Variants in SYNE2 observed in about 807,000 individuals in gnomAD.
The protein encoded by SYNE2 is spectrin repeat containing nuclear envelope protein 2.
In SYNE2, 431 loss-of-function variants were observed where a neutral mutation model predicts 856.3. The ratio of observed to expected loss-of-function variants is 0.50; its 90% CI spans 0.47 to 0.55. The LOEUF (loss-of-function observed/expected upper bound fraction) is 0.55, where lower values mean the gene tolerates loss of function less well. Among genes scored for constraint, SYNE2 ranks in the 20% least tolerant of loss-of-function variants. The pLI is 0.00. For missense variants in SYNE2, 8,129 were observed against 8,023.2 expected (o/e 1.01, Z -0.50); for synonymous variants, 2,923 against 2,872.3 (o/e 1.02, Z -0.56).
intron 94 of SYNE2, among the ~76,000 whole-genome samples, chr14:64,170,703 C>T (rs2098406550): frequency 6.6e-6 from 1 of 152,030 alleles, no homozygotes; most frequent in Non-Finnish European, 1.5e-5. Flanking sequence ...TGAGAGGAGG[C>T]ATGGAGTGGA....
intron 99 of SYNE2, among the ~76,000 whole-genome samples, chr14:64,198,724 G>T (rs546532449): frequency 3.9e-5 from 6 of 152,208 alleles, no homozygotes; most frequent in African/African-American, 1.4e-4. Context: ...CCAGGGCTGA[G>T]GAGCACGAGT....
At chr14:64,069,589 G>A (rs1294083438) in intron 51 of SYNE2, among the ~76,000 whole-genome samples, 1 of 152,198 alleles carries the variant, frequency 6.6e-6, no homozygotes, top group Non-Finnish European at 1.5e-5. Flanking sequence ...CATCTGAGCA[G>A]TAATCCCAAG....
In SYNE2 at chr14:63,788,167, G is replaced by A. The variant is rs546219617; in HGVS notation, c.-305+26181G>A. 2.0e-5 allele frequency among the ~76,000 whole-genome samples: 3 copies of A among 152,316 alleles called. No homozygotes were observed. In the South Asian group the frequency reaches 6.2e-4, roughly 32 times the overall value. ...ATCCCCAATCCCTGCTTTGATATTGGAGCCATGCTGGGAGAGGAGAGAGGC... is the reference window on the plus strand; with the variant it reads ...ATCCCCAATCCCTGCTTTGATATTGAAGCCATGCTGGGAGAGGAGAGAGGC... On this transcript the variant is annotated intron_variant, in intron 1 of 23. Coordinates refer to the SYNE2 transcript ENST00000674003.
intron 1 of SYNE2, among the ~76,000 whole-genome samples, chr14:63,789,785 A>G (rs1887665965): frequency 6.6e-6 from 1 of 151,734 alleles, no homozygotes; most frequent in African/African-American, 2.4e-5. Flanking sequence ...AAAAAAAAAA[A>G]AAGAAGAAGA....
chr14:64,065,167 T>C (rs1343454883), intron 50 of SYNE2, among the ~76,000 whole-genome samples: 2 of 152,128 alleles, frequency 1.3e-5, no homozygotes, highest in African/African-American at 4.8e-5. Flanking sequence ...CTGGCAAATA[T>C]TTGCTTTTGA....
chr14:64,047,012 C>T (rs186557777), intron 45 of SYNE2, among the ~76,000 whole-genome samples: 1 of 152,340 alleles, frequency 6.6e-6, no homozygotes, highest in East Asian at 1.9e-4. Flanking sequence ...GAGCAGTTGC[C>T]CTCCACCAGC....
At chr14:63,766,210 T>C (rs1886679916) in intron 1 of SYNE2, among the ~76,000 whole-genome samples, 1 of 151,708 alleles carries the variant, frequency 6.6e-6, no homozygotes, top group South Asian at 2.1e-4. Context: ...TCCCGAGTAG[T>C]TGGGATTACA....
chr14:63,927,764 C>T (rs553521214), intron 2 of SYNE2, among the ~76,000 whole-genome samples: 107 of 151,952 alleles, frequency 7.0e-4, no homozygotes, highest in East Asian at 2.5e-3. Flanking sequence ...TGGGGTCGCG[C>T]GCCTGCAGTC....
intron 99 of SYNE2, 140 bp downstream of exon 99, chr14:64,190,377 G>T: frequency 9.0e-7 from 1 of 1,107,486 alleles, no homozygotes; most frequent in Non-Finnish European, 1.3e-6. Context: ...ATAAAAATGA[G>T]TGGAAATTCT....
At chr14:63,961,740 A>C (rs1053009775) in intron 9 of SYNE2, 115 bp downstream of exon 9, 13 of 754,102 alleles carry the variant, frequency 1.7e-5, no homozygotes, top group African/African-American at 5.2e-5. Context: ...TTTAATGAGC[A>C]TACACCCCTG....
chr14:63,927,668 CGGATCACGA>C (rs1272762595), intron 2 of SYNE2, among the ~76,000 whole-genome samples: 1 of 151,918 alleles, frequency 6.6e-6, no homozygotes, highest in East Asian at 1.9e-4. Flanking sequence ...CCGAGGAGGA[CGGATCACGA>C]GGTCAGGAGA....
intron 99 of SYNE2, among the ~76,000 whole-genome samples, chr14:64,198,768 A>C (rs2098549995): frequency 6.6e-6 from 1 of 152,222 alleles, no homozygotes. Flanking sequence ...GCTTTGTGGC[A>C]GAAGGGCTCT....
chr14:64,120,548 G>T (rs764609912), intron 67 of SYNE2, among the ~76,000 whole-genome samples: 12 of 152,050 alleles, frequency 7.9e-5, no homozygotes, highest in Non-Finnish European at 1.5e-4. Flanking sequence ...CAGATCACCT[G>T]AGGTCAGGAG....
chr14:63,927,335 C>T (rs1217361164), intron 2 of SYNE2, among the ~76,000 whole-genome samples: 1 of 151,896 alleles, frequency 6.6e-6, no homozygotes, highest in Non-Finnish European at 1.5e-5. Context: ...ATAACTTGAA[C>T]CCAGGAGTTG....
intron 51 of SYNE2, among the ~76,000 whole-genome samples, chr14:64,067,917 T>A (rs1556587): frequency 0.074 from 11,329 of 152,212 alleles, 692 homozygotes; most frequent in African/African-American, 0.17. Context: ...CTTTGTTGGG[T>A]CTCTTTTCTG....
intron 95 of SYNE2, 144 bp from the exon 96 acceptor site, chr14:64,177,214 C>A: frequency 2.0e-6 from 2 of 1,019,932 alleles, no homozygotes; most frequent in Non-Finnish European, 2.9e-6. Context: ...CCATAGTCTG[C>A]TTAAGACAGG....
chr14:64,144,473 A>G (rs1013954403), intron 83 of SYNE2, among the ~76,000 whole-genome samples: 3 of 152,238 alleles, frequency 2.0e-5, no homozygotes, highest in Non-Finnish European at 4.4e-5. Context: ...TTACACAATT[A>G]AGATACAAGT....
rs778455908 is a variant in SYNE2, at chr14:64,030,010, A to T, written c.6830A>T (p.Asp2277Val). Residue 2277 changes from aspartate to valine, a missense_variant, in exon 44 of 116, where the codon GAT (aspartate) becomes GTT (valine). Physicochemically the swap from Asp to Val is radical, Grantham distance 152 (BLOSUM62 -3). Around this residue, in one of 3 missense-constraint regions of SYNE2, gnomAD observed 297 missense variants for 380.9 expected, o/e 0.78. Coordinates refer to ENST00000555002, the MANE Select transcript of SYNE2 (RefSeq NM_182914.3). ...TCCAAGGAATTTGTCAGTTTTTCTG[A>T]TAAGCCTGTGGATCAAATAGCGGTT... is the stretch of plus-strand genomic sequence containing the variant. ...NFSKEFVSFS[D>V]KPVDQIAVEE... 1.9e-6 allele frequency: 3 copies of T among 1,614,170 alleles called. No individual in the cohort carries two copies. Among genetic ancestry groups the T allele is most frequent in the Non-Finnish European group, 2.5e-6 (3 of 1,180,002 alleles).
chr14:63,793,912 C>T (rs1887828335), intron 1 of SYNE2, among the ~76,000 whole-genome samples: 2 of 151,126 alleles, frequency 1.3e-5, no homozygotes, highest in African/African-American at 4.9e-5. Flanking sequence ...GCACTCCAGC[C>T]TGGGCAACAG....
Sources: allele counts gnomAD v4.1 joint callset (sites outside exome capture counted in the v4.1 genomes callset), GRCh38; gene constraint gnomAD v4.1.1; regional missense constraint gnomAD v4.1.1; transcripts MANE v1.5; gene names NCBI Gene and HGNC (gene_info 2026-07-23, HGNC 2026-07-21).